Variants in PDE1B observed in about 807,000 individuals in gnomAD.
The protein encoded by PDE1B is dual specificity calcium/calmodulin-dependent 3',5'-cyclic nucleotide phosphodiesterase 1B.
PDE1B carries 13 observed loss-of-function variants against 66.7 expected under a neutral mutation model. The observed-to-expected ratio is 0.19, with a 90% CI of 0.13 to 0.31. The LOEUF (loss-of-function observed/expected upper bound fraction) is 0.31, where lower values mean the gene tolerates loss of function less well. Ranked by LOEUF, PDE1B falls within the 10% of genes least tolerant of loss-of-function variation. The probability of loss-of-function intolerance (pLI) is 1.00; values close to 1 mark genes in which losing one functional copy is unlikely to be tolerated. For missense variants in PDE1B, 485 were observed against 682.3 expected, an observed-to-expected ratio of 0.71 and a Z score of 3.22; for synonymous variants, 230 against 253.9, an observed-to-expected ratio of 0.91 and a Z score of 0.90.
At position 54,573,813 on chromosome 12, in the gene PDE1B, G is replaced by A. The variant is rs757596295; in HGVS notation, c.1064+104G>A. ...TGGTGTGCCAGGTCTTTACCTCGCT[G>A]TAGAGACTCCACTGGCTTCAGGTAT... On this transcript the variant is annotated intron_variant, in intron 10 of 15. Coordinates refer to ENST00000243052, the MANE Select transcript of PDE1B (RefSeq NM_000924.4). The surrounding 1 kb of genome is among the most constrained non-coding windows in gnomAD (Gnocchi z 5.2). 5.1e-6 allele frequency: 4 copies of A among 785,638 alleles called. No individual in the cohort carries two copies. The highest frequency in any genetic ancestry group is 4.2e-5 in the South Asian group (3 of 71,702). 48.7% of individuals were successfully genotyped at this position (785,638 alleles called of 1,614,324 possible). A position where few individuals can be genotyped will look rare whatever the true frequency, so the allele number is the denominator to read the frequency against.
At chr12:54,560,063 G>T (rs889636186) in intron 2 of PDE1B, among the ~76,000 whole-genome samples, 1 of 152,172 alleles carries the variant, frequency 6.6e-6, no homozygotes, top group African/African-American at 2.4e-5. Flanking sequence ...GATACAGAGA[G>T]AGTGGGTTTC....
Position 54,567,510 on chromosome 12 carries a change from AAT to A in PDE1B, c.227+425_227+426del. Among the ~76,000 whole-genome samples the A allele has an allele frequency of 6.2e-4, 4 of 6,406 alleles. No individual in the cohort carries two copies. The Non-Finnish European group carries it at 0.017, about 27-fold the overall frequency. The allele number at this position is 6,406 out of a possible 152,430, so 4.2% of individuals were successfully genotyped here. ...CAGAGCAAGACCCTGTCTCAAAATA[AAT>A]AAATAAATAAATAAATAAAAAAAAT... On this transcript the variant is annotated intron_variant, in intron 3 of 15. Coordinates refer to ENST00000243052, the MANE Select transcript of PDE1B (RefSeq NM_000924.4).
chr12:54,559,898 C>T (rs952191107), intron 2 of PDE1B, among the ~76,000 whole-genome samples: 6 of 152,276 alleles, frequency 3.9e-5, no homozygotes, highest in South Asian at 2.1e-4. Context: ...CATCCTGCAA[C>T]GCAAGCATGT....
intron 3 of PDE1B, among the ~76,000 whole-genome samples, chr12:54,568,592 C>T (rs1323119877): frequency 6.6e-6 from 1 of 151,910 alleles, no homozygotes; most frequent in Non-Finnish European, 1.5e-5. Flanking sequence ...CGCCTATAAT[C>T]CCAGCACTTT....
At position 54,569,776 on chromosome 12, in the gene PDE1B, C is replaced by G. The variant is rs940185276; in HGVS notation, c.477+164C>G. ...GGAGTGCAGTGGCGTGATCTCGTCT[C>G]ACTGCAACCTCTGCCTCCCTGCAAG... On this transcript the variant is annotated intron_variant, in intron 5 of 15. Coordinates refer to ENST00000243052, the MANE Select transcript of PDE1B (RefSeq NM_000924.4). This position sits in a 1 kb window ranked among gnomAD's most constrained non-coding sequence, Gnocchi z 4.4. Among the ~76,000 whole-genome samples the G allele has an allele frequency of 7.3e-5, 11 of 151,428 alleles. 1 individual carries two copies. Among genetic ancestry groups the G allele is most frequent in the Admixed American group, 5.9e-4 (9 of 15,188 alleles).
chr12:54,576,192 T>C, intron 13 of PDE1B, 92 bp downstream of exon 13: 1 of 794,162 alleles, frequency 1.3e-6, no homozygotes. Context: ...CTCACAGCCA[T>C]GGTGGGGTGG....
chr12:54,564,654 CAAAA>C (rs764464868), intron 2 of PDE1B, among the ~76,000 whole-genome samples: 2 of 151,272 alleles, frequency 1.3e-5, no homozygotes, highest in African/African-American at 2.4e-5. Context: ...CAAAAAAAAA[CAAAA>C]AAGCAGATCC....
intron 2 of PDE1B, among the ~76,000 whole-genome samples, chr12:54,555,780 T>C (rs796723611): frequency 6.1e-4 from 93 of 152,306 alleles, no homozygotes; most frequent in African/African-American, 1.8e-3. Flanking sequence ...GCCTCATCTT[T>C]CTCTGGGTTC....
At position 54,573,884 on chromosome 12, in the gene PDE1B, T is replaced by C. The variant is rs1400322319; in HGVS notation, c.1064+175T>C. On this transcript the variant is annotated intron_variant, in intron 10 of 15. Transcript: ENST00000243052. The surrounding 1 kb of genome is among the most constrained non-coding windows in gnomAD (Gnocchi z 5.2). ...GAGAGAGAGAGAGTGTGTGTGTGTG[T>C]GTGTGTGTGTGTGTGTGTGTGTGTG... 1.2e-5 allele frequency: 7 copies of C among 575,034 alleles called. No homozygotes were observed. The highest frequency in any genetic ancestry group is 4.8e-4 in the Middle Eastern group (1 of 2,102). 35.6% of individuals were successfully genotyped at this position (575,034 alleles called of 1,614,324 possible). A position where few individuals can be genotyped will look rare whatever the true frequency, so the allele number is the denominator to read the frequency against.
intron 2 of PDE1B, among the ~76,000 whole-genome samples, chr12:54,564,802 T>C (rs923470523): frequency 6.6e-6 from 1 of 152,168 alleles, no homozygotes; most frequent in Non-Finnish European, 1.5e-5. Flanking sequence ...AAAGCACCGA[T>C]TAAGAGTTAG....
At chr12:54,574,974 CAAA>C (rs35584396) in intron 10 of PDE1B, 121 bp from the exon 11 acceptor site, 13,205 of 424,520 alleles carry the variant, frequency 0.031, no homozygotes, top group South Asian at 0.046. Context: ...GACCCTGTCT[CAAA>C]AAAAAAAAAA....
chr12:54,572,872 C>A, intron 7 of PDE1B, 131 bp downstream of exon 7: 1 of 894,202 alleles, frequency 1.1e-6, no homozygotes, highest in Non-Finnish European at 1.8e-6. Context: ...TTGACAGAGC[C>A]AAACTGGATT....
At chr12:54,550,153 A>C (rs1957254991) in intron 2 of PDE1B, 168 bp downstream of exon 2, 1 of 1,433,574 alleles carries the variant, frequency 7.0e-7, no homozygotes, top group Non-Finnish European at 9.1e-7. Context: ...CCACATGTGC[A>C]AGGCATGTGC....
At chr12:54,550,776 A>G (rs956401662) in intron 2 of PDE1B, among the ~76,000 whole-genome samples, 1 of 152,188 alleles carries the variant, frequency 6.6e-6, no homozygotes, top group Non-Finnish European at 1.5e-5. Context: ...TTGCAGTACC[A>G]GGGCATGTGG....
chr12:54,558,391 A>G (rs1234148641), intron 2 of PDE1B, among the ~76,000 whole-genome samples: 2 of 143,082 alleles, frequency 1.4e-5, no homozygotes, highest in African/African-American at 5.3e-5. Context: ...GGGCTCTCTC[A>G]CCACTGCTGC....
rs1957824529 is a variant in PDE1B, at chr12:54,579,206, T to A, written c.*1364T>A. The A allele has an allele frequency of 1.0e-6, 1 of 979,282 alleles. No homozygotes were observed. Among genetic ancestry groups the A allele is most frequent in the South Asian group, 4.7e-5 (1 of 21,164 alleles). The allele number at this position is 979,282 out of a possible 1,614,324, so 60.7% of individuals were successfully genotyped here. On this transcript the variant is annotated 3_prime_UTR_variant, in exon 16 of 16. Coordinates refer to ENST00000243052, the MANE Select transcript of PDE1B (RefSeq NM_000924.4). The stretch of plus-strand genomic sequence containing the variant: ...TGCCCTTGGTTTCCCAGACCCCTGC[T>A]ATAGCCAGAGAACAATAAAGAAGGG...
chr12:54,569,679 C>A lies in PDE1B; in HGVS notation c.477+67C>A. On this transcript the variant is annotated intron_variant, in intron 5 of 15. Coordinates refer to ENST00000243052, the MANE Select transcript of PDE1B (RefSeq NM_000924.4). The surrounding 1 kb of genome is among the most constrained non-coding windows in gnomAD (Gnocchi z 4.4). The stretch of plus-strand genomic sequence containing the variant: ...TGGAATAGCCACTGGGACTTCTAGA[C>A]CCTGTTTATGGCATTATTTTTGCCT... 1.9e-6 allele frequency: 2 copies of A among 1,064,508 alleles called. No homozygotes were observed. Among genetic ancestry groups the A allele is most frequent in the Non-Finnish European group, 2.9e-6 (2 of 686,660 alleles). 65.9% of individuals were successfully genotyped at this position (1,064,508 alleles called of 1,614,324 possible).
At chr12:54,559,403 C>T (rs1467835659) in intron 2 of PDE1B, among the ~76,000 whole-genome samples, 2 of 151,990 alleles carry the variant, frequency 1.3e-5, no homozygotes, top group African/African-American at 2.4e-5. Context: ...AAGGAAAATC[C>T]ATACTGGACC....
chr12:54,577,236 C>A lies in PDE1B; in HGVS notation c.1519C>A (p.Gln507Lys). The A allele has an allele frequency of 2.5e-6, 4 of 1,613,800 alleles. No individual in the cohort carries two copies. Among genetic ancestry groups the A allele is most frequent in the Non-Finnish European group, 3.4e-6 (4 of 1,179,806 alleles). ...KERAASGITNQMSIDELSPCE... is the reference protein window; with the variant it reads ...KERAASGITNKMSIDELSPCE... ...ATGCTCCTCTACAGGCATCACCAAC[C>A]AGATGTCCATTGACGAGCTGTCCCC... The change falls in exon 15 of 16, where the codon CAG becomes AAG. Residue 507 changes from glutamine (Q) to lysine (K), a missense_variant. By Grantham distance (53) the Gln-to-Lys change is moderately conservative. Around this residue, in one of 4 missense-constraint regions of PDE1B, gnomAD observed 126 missense variants for 133.8 expected, o/e 0.94. Coordinates refer to ENST00000243052, the MANE Select transcript of PDE1B (RefSeq NM_000924.4).
Sources: gnomAD v4.1 joint callset for allele counts (sites outside exome capture counted in the v4.1 genomes callset) on GRCh38, gnomAD v4.1.1 for gene constraint, gnomAD v4.1.1 regional missense constraint, Gnocchi (gnomAD v3.1) non-coding constraint, MANE v1.5 for transcripts, NCBI Gene and HGNC (gene_info 2026-07-23, HGNC 2026-07-21) for gene names.